The following ESR1 variants were observed in gnomAD, a reference collection of about 807,000 sequenced individuals.
ESR1 encodes estrogen receptor.
Under a neutral mutation model 52.7 loss-of-function variants are expected in ESR1, and 12 were observed. That is an observed-to-expected ratio of 0.23 (90% CI 0.15 to 0.37). The LOEUF (loss-of-function observed/expected upper bound fraction) is 0.37, where lower values mean the gene tolerates loss of function less well. Among genes scored for constraint, ESR1 ranks in the 10% least tolerant of loss-of-function variants. The probability of loss-of-function intolerance (pLI) is 1.00; values close to 1 mark genes in which losing one functional copy is unlikely to be tolerated. For missense variants in ESR1, 584 were observed against 779.7 expected (o/e 0.75, Z 2.99); for synonymous variants, 305 against 316.8 (o/e 0.96, Z 0.39).
chr6:151,777,680 C>T lies in ESR1; in HGVS notation c.-70-30163C>T, dbSNP rs544393875. 7.9e-5 allele frequency among the ~76,000 whole-genome samples: 12 copies of T among 152,214 alleles called. No homozygotes were observed. The South Asian group carries it at 2.5e-3, about 32-fold the overall frequency. ...TGGGTGATTAAAATGTACAATAGGG[C>T]TGGGTATAGTGGCTCATGCCTGTAA... On this transcript the variant is annotated intron_variant, in intron 2 of 2. Transcript: ENST00000404742.
At chr6:152,011,196 G>A (rs926353955) in intron 4 of ESR1, among the ~76,000 whole-genome samples, 1 of 151,950 alleles carries the variant, frequency 6.6e-6, no homozygotes, top group Non-Finnish European at 1.5e-5. Context: ...ATTTAGGGAC[G>A]AAGCAAAGAA....
At chr6:151,943,159 T>G (rs1165671721) in intron 3 of ESR1, among the ~76,000 whole-genome samples, 1 of 152,070 alleles carries the variant, frequency 6.6e-6, no homozygotes, top group African/African-American at 2.4e-5. Context: ...GGCAGGCAGA[T>G]CACAAGGTCA....
chr6:152,098,726 C>T lies in ESR1; in HGVS notation c.1554-6C>T, dbSNP rs2050839981. On this transcript the variant is annotated splice_polypyrimidine_tract_variant and splice_region_variant and intron_variant, in intron 7 of 7. Coordinates refer to ENST00000206249, the MANE Select transcript of ESR1 (RefSeq NM_000125.4). This position sits in a 1 kb window ranked among gnomAD's most constrained non-coding sequence, Gnocchi z 5.1. ...AGTAGTCCTTTCTGTGTCTTCCCAC[C>T]TACAGTAACAAAGGCATGGAGCATC... 7 of 1,612,466 alleles carry T rather than the reference C, an allele frequency of 4.3e-6. No individual in the cohort carries two copies. Among genetic ancestry groups the T allele is most frequent in the Non-Finnish European group, 5.9e-6 (7 of 1,178,708 alleles).
chr6:152,090,046 T>G (rs1239608587), intron 6 of ESR1, among the ~76,000 whole-genome samples: 1 of 152,096 alleles, frequency 6.6e-6, no homozygotes, highest in Non-Finnish European at 1.5e-5. Context: ...AACACCCTGT[T>G]AGGGACAGTG....
intron 5 of ESR1, among the ~76,000 whole-genome samples, chr6:152,037,565 T>C (rs1451414031): frequency 6.6e-6 from 1 of 152,198 alleles, no homozygotes; most frequent in East Asian, 1.9e-4. Context: ...CGTTGTTTTT[T>C]AAAAAGCCTT....
intron 5 of ESR1, among the ~76,000 whole-genome samples, chr6:152,035,111 AT>A (rs1196071865): frequency 6.6e-6 from 1 of 152,142 alleles, no homozygotes; most frequent in Non-Finnish European, 1.5e-5. Flanking sequence ...TTTTTAAACC[AT>A]GAACAATTTA....
Position 151,912,684 on chromosome 6 carries a change from G to A in ESR1, c.761-31489G>A, listed in dbSNP as rs778106932. ...TTAGGATATCAGGAACAATAAGAGC[G>A]GGAGAATATCGACCTTAATATTCTT... On this transcript the variant is annotated intron_variant, in intron 3 of 7. Coordinates refer to ENST00000206249, the MANE Select transcript of ESR1 (RefSeq NM_000125.4). Among the ~76,000 whole-genome samples, 9 of 152,236 alleles carry A rather than the reference G, an allele frequency of 5.9e-5. No homozygotes were observed. The South Asian group carries it at 1.7e-3, about 28-fold the overall frequency.
intron 2 of ESR1, among the ~76,000 whole-genome samples, chr6:151,773,079 A>G (rs1785646819): frequency 6.6e-6 from 1 of 152,168 alleles, no homozygotes; most frequent in Non-Finnish European, 1.5e-5. Context: ...GGTTAATGGA[A>G]TTAAAACAAG....
chr6:151,704,758 G>C (rs1024811965), intron 2 of ESR1, among the ~76,000 whole-genome samples: 3 of 151,904 alleles, frequency 2.0e-5, no homozygotes, highest in Non-Finnish European at 4.4e-5. Flanking sequence ...GCTCTAGGAG[G>C]GGGTTTCATT....
chr6:151,883,153 TC>T (rs1192937063), intron 3 of ESR1, among the ~76,000 whole-genome samples: 4 of 151,896 alleles, frequency 2.6e-5, no homozygotes, highest in African/African-American at 9.7e-5. Flanking sequence ...GGAGTCTTGC[TC>T]TGTTGGCCAG....
intron 4 of ESR1, among the ~76,000 whole-genome samples, chr6:151,989,243 C>T (rs1056518920): frequency 6.6e-6 from 1 of 152,088 alleles, no homozygotes; most frequent in Non-Finnish European, 1.5e-5. Flanking sequence ...ACAGCATATT[C>T]TCTCTCTCTT....
In ESR1 at chr6:151,723,201, T is replaced by C. The variant is rs149455949; in HGVS notation, c.-71+21196T>C. Among the ~76,000 whole-genome samples the C allele has an allele frequency of 3.0e-4, 45 of 151,930 alleles. No individual in the cohort carries two copies. The East Asian group carries it at 8.2e-3, about 28-fold the overall frequency. ...GTACACATGGACATAGAGAGCAGAATAATAAACACTGGAGACTCTGAGGGG... is the reference window on the plus strand; with the variant it reads ...GTACACATGGACATAGAGAGCAGAACAATAAACACTGGAGACTCTGAGGGG... On this transcript the variant is annotated intron_variant, in intron 2 of 2. Coordinates refer to the ESR1 transcript ENST00000404742.
At chr6:151,748,309 T>C (rs1167059318) in intron 2 of ESR1, among the ~76,000 whole-genome samples, 1 of 152,216 alleles carries the variant, frequency 6.6e-6, no homozygotes, top group African/African-American at 2.4e-5. Flanking sequence ...ACATATGACG[T>C]ATCCCTAGAT....
intron 2 of ESR1, among the ~76,000 whole-genome samples, chr6:151,796,397 C>G (rs566750636): frequency 1.3e-5 from 2 of 152,094 alleles, no homozygotes; most frequent in Non-Finnish European, 2.9e-5. Context: ...AACTGGCGAC[C>G]TCAGCTGTCT....
intron 2 of ESR1, among the ~76,000 whole-genome samples, chr6:151,779,350 A>C (rs1455637900): frequency 6.6e-6 from 1 of 152,176 alleles, no homozygotes; most frequent in Non-Finnish European, 1.5e-5. Flanking sequence ...TAAACGGGGA[A>C]TCCTTTCCCC....
upstream of ESR1, among the ~76,000 whole-genome samples, chr6:151,688,767 G>GATT (rs1386691365): frequency 6.6e-6 from 1 of 152,116 alleles, no homozygotes; most frequent in East Asian, 1.9e-4. Context: ...GTAATCTATG[G>GATT]ATTATTTAAA....
intron 2 of ESR1, among the ~76,000 whole-genome samples, chr6:151,742,385 G>T (rs2128059860): frequency 6.6e-6 from 1 of 151,848 alleles, no homozygotes; most frequent in African/African-American, 2.4e-5. Flanking sequence ...CAGGGTACAG[G>T]GTTCCCTTTT....
intron 2 of ESR1, among the ~76,000 whole-genome samples, chr6:151,879,981 C>T (rs1292007077): frequency 3.9e-5 from 6 of 152,138 alleles, no homozygotes; most frequent in East Asian, 1.9e-4. Context: ...TCTACCCTCA[C>T]AACAATTTTG....
At chr6:152,090,580 C>CACTGCACAGGCACTGCAGTGT in intron 6 of ESR1, among the ~76,000 whole-genome samples, 1 of 152,240 alleles carries the variant, frequency 6.6e-6, no homozygotes, top group Non-Finnish European at 1.5e-5. Context: ...GGCACAGCCA[C>CACTGCACAGGCACTGCAGTGT]ACTGCACAGG....
Sources: allele counts gnomAD v4.1 joint callset (sites outside exome capture counted in the v4.1 genomes callset), GRCh38; gene constraint gnomAD v4.1.1; non-coding constraint Gnocchi (gnomAD v3.1); transcripts MANE v1.5; gene names NCBI Gene and HGNC (gene_info 2026-07-23, HGNC 2026-07-21).